Variants in SARDH observed in about 807,000 individuals in gnomAD.
The protein encoded by SARDH is sarcosine dehydrogenase, mitochondrial.
Under a neutral mutation model 109.1 loss-of-function variants are expected in SARDH, and 95 were observed. That is an observed-to-expected ratio of 0.87 (90% CI 0.74 to 1.03). The LOEUF is 1.03. Among genes scored for constraint, SARDH ranks in the 50% least tolerant of loss-of-function variants. SARDH has a pLI of 0.00. For synonymous variants in SARDH, 572 were observed against 534.8 expected, an observed-to-expected ratio of 1.07 and a Z score of -0.96; for missense variants, 1,267 against 1,287.8, an observed-to-expected ratio of 0.98 and a Z score of 0.25.
chr9:133,673,755 C>T (rs954887937), intron 17 of SARDH, among the ~76,000 whole-genome samples: 2 of 152,134 alleles, frequency 1.3e-5, no homozygotes, highest in Admixed American at 6.5e-5. Context: ...TGGAGGAGCT[C>T]GGGGCTCAAA....
rs1832581980 is a variant in SARDH at position 133,728,981 on chromosome 9, G to T, written c.915+784C>A. Among the ~76,000 whole-genome samples, 1 of 151,006 alleles carries T rather than the reference G, an allele frequency of 6.6e-6. No homozygotes were observed. Among genetic ancestry groups the T allele is most frequent in the East Asian group, 2.0e-4 (1 of 5,118 alleles). The stretch of plus-strand genomic sequence containing the variant: ...ATAGATGGAGAGATGGAGGACGGAA[G>T]AATGGATGGCGAGATGGCAAGATGA... On this transcript the variant is annotated intron_variant, in intron 6 of 20. Transcript: ENST00000439388. This position sits in a 1 kb window ranked among gnomAD's most constrained non-coding sequence, Gnocchi z 5.0.
chr9:133,717,430 A>T lies in SARDH; in HGVS notation c.1046T>A (p.Leu349His), dbSNP rs753077557. 8 of 1,614,094 alleles carry T rather than the reference A, an allele frequency of 5.0e-6. No homozygotes were observed. In the South Asian group the frequency reaches 8.8e-5, roughly 18 times the overall value. Residue 349 changes from leucine to histidine, a missense_variant, in exon 8 of 21, where the codon CTC becomes CAC. Coordinates refer to ENST00000439388, the MANE Select transcript of SARDH (RefSeq NM_001134707.2). ...GAACACCTCCCAGTCCAGGTCAAAG[A>T]GGCCGAAGGCAAACTTGTCTGACAC... The part of the protein sequence containing the change: ...EEVSDKFAFG[L>H]FDLDWEVFTQ...
chr9:133,703,469 G>A (rs1831569221), intron 12 of SARDH: 3 of 185,062 alleles, frequency 1.6e-5, no homozygotes, highest in Admixed American at 1.6e-4. Flanking sequence ...GTGAGGCGCA[G>A]AGAAGTTATA....
chr9:133,686,564 C>T lies in SARDH; in HGVS notation c.2070-1278G>A, dbSNP rs1830893226. 6.6e-6 allele frequency among the ~76,000 whole-genome samples: 1 copy of T among 151,922 alleles called. No homozygotes were observed. Among genetic ancestry groups the T allele is most frequent in the Admixed American group, 6.6e-5 (1 of 15,262 alleles). On this transcript the variant is annotated intron_variant, in intron 16 of 20. Coordinates refer to ENST00000439388, the MANE Select transcript of SARDH (RefSeq NM_001134707.2). This position sits in a 1 kb window ranked among gnomAD's most constrained non-coding sequence, Gnocchi z 4.0. The stretch of plus-strand genomic sequence containing the variant: ...CCCAGGAGCTCCGTGCCAACAGCAT[C>T]CCCCTATCCCAATGTGCCTGGCACA...
At chr9:133,662,600 T>C (rs1191387295), downstream of SARDH, among the ~76,000 whole-genome samples, 1 of 152,242 alleles carries the variant, frequency 6.6e-6, no homozygotes, top group Admixed American at 6.5e-5. This position sits in a 1 kb window ranked among gnomAD's most constrained non-coding sequence, Gnocchi z 5.1. Context: ...CACAGCCATC[T>C]GTAACCCAAA....
chr9:133,671,001 G>A (rs916713537), intron 18 of SARDH, among the ~76,000 whole-genome samples: 2 of 152,144 alleles, frequency 1.3e-5, no homozygotes, highest in Non-Finnish European at 2.9e-5. Context: ...GTCAGGGAGG[G>A]GCTTGTGAAG....
chr9:133,733,105 G>A (rs1255376958), intron 2 of SARDH, among the ~76,000 whole-genome samples: 2 of 152,246 alleles, frequency 1.3e-5, no homozygotes, highest in African/African-American at 4.8e-5. Flanking sequence ...CGTCAGGGAA[G>A]AGGCTATGAC....
In SARDH at chr9:133,712,669, G is replaced by C; in HGVS notation, c.1278C>G (p.His426Gln). The change falls in exon 10 of 21, where the codon CAC (histidine) becomes CAG (glutamine). Residue 426 changes from histidine to glutamine, a missense_variant. His to Gln is a conservative substitution (Grantham distance 24, BLOSUM62 0). Coordinates refer to ENST00000439388, the MANE Select transcript of SARDH (RefSeq NM_001134707.2). The surrounding 1 kb of genome is among the most constrained non-coding windows in gnomAD (Gnocchi z 4.1). ...LGGGCGQELA[H>Q]WIIHGRPEKD... is the part of the protein sequence containing the mutation. ...TCTCCGGGCGCCCATGGATGATCCA[G>C]TGGGCCAGCTCCTGCCCACAGCCAC... 1 of 1,610,408 alleles carries C rather than the reference G, an allele frequency of 6.2e-7. No homozygotes were observed.
In SARDH at chr9:133,721,523, C is replaced by T. The variant is rs564244787; in HGVS notation, c.916-2481G>A. On this transcript the variant is annotated intron_variant, in intron 6 of 20. Coordinates refer to ENST00000439388, the MANE Select transcript of SARDH (RefSeq NM_001134707.2). ...GAAAGAGTGAAAGCCATGGCTCCAG[C>T]GGGGAGGCGTGAAGAAGGCCCTGGA... 8.5e-5 allele frequency among the ~76,000 whole-genome samples: 13 copies of T among 152,188 alleles called. No individual in the cohort carries two copies. The East Asian group carries it at 1.7e-3, about 20-fold the overall frequency.
chr9:133,710,143 A>C (rs1401960667), intron 10 of SARDH, among the ~76,000 whole-genome samples: 1 of 152,222 alleles, frequency 6.6e-6, no homozygotes. Flanking sequence ...AAAACAGCCC[A>C]GCCCACACTC....
At chr9:133,734,413 T>TCATTCACTC (rs2131517907) in intron 1 of SARDH, among the ~76,000 whole-genome samples, 1 of 50,662 alleles carries the variant, frequency 2.0e-5, no homozygotes, top group African/African-American at 4.4e-5. Context: ...ATTCACTCAT[T>TCATTCACTC]CATTCATTCA....
intron 1 of SARDH, among the ~76,000 whole-genome samples, chr9:133,737,560 C>T (rs939890118): frequency 6.6e-6 from 1 of 152,172 alleles, no homozygotes; most frequent in African/African-American, 2.4e-5. Flanking sequence ...CCACCACCCA[C>T]CACCCACCAC....
In SARDH at chr9:133,713,053, C is replaced by T; in HGVS notation, c.1222G>A (p.Gly408Ser). 1 of 1,612,368 alleles carries T rather than the reference C, an allele frequency of 6.2e-7. No individual in the cohort carries two copies. Among genetic ancestry groups the T allele is most frequent in the East Asian group, 2.2e-5 (1 of 44,860 alleles). The change falls in exon 9 of 21, where the codon GGC becomes AGC. Residue 408 changes from glycine (G) to serine (S), a missense_variant. Transcript: ENST00000439388. ...CCGGACTCACCTGCGCTGTTGAAGC[C>T]ACAGCCCAGGAAGAACCCTCGGAGC... Reference protein sequence around the residue: ...PELRGFFLGCGFNSAGMMLGG... With the variant: ...PELRGFFLGCSFNSAGMMLGG...
intron 17 of SARDH, among the ~76,000 whole-genome samples, chr9:133,679,569 G>A (rs998045760): frequency 3.9e-5 from 6 of 152,336 alleles, no homozygotes; most frequent in East Asian, 1.9e-4. Context: ...CTGGCCGAGC[G>A]GAGCTCTGGG....
intron 6 of SARDH, among the ~76,000 whole-genome samples, chr9:133,724,057 A>G (rs939889273): frequency 6.6e-6 from 1 of 152,214 alleles, no homozygotes; most frequent in Admixed American, 6.5e-5. Context: ...TAAATATGAC[A>G]CCAAGAGCAC....
Position 133,689,669 on chromosome 9 carries a change from C to T in SARDH, c.2069+711G>A, listed in dbSNP as rs538071262. On this transcript the variant is annotated intron_variant, in intron 16 of 20. Coordinates refer to ENST00000439388, the MANE Select transcript of SARDH (RefSeq NM_001134707.2). ...CTACCGTGGGGATGGGAGATGTTGG[C>T]TCAGGCTTGGCAAGTCACAGGTGCT... Among the ~76,000 whole-genome samples the T allele has an allele frequency of 5.3e-5, 8 of 152,276 alleles. No individual in the cohort carries two copies. In the South Asian group the frequency reaches 1.7e-3, roughly 32 times the overall value.
At chr9:133,661,710 A>G (rs540018656), downstream of SARDH, among the ~76,000 whole-genome samples, 1 of 151,846 alleles carries the variant, frequency 6.6e-6, no homozygotes, top group South Asian at 2.1e-4. Flanking sequence ...CAAACTCCCA[A>G]CCTCAGGTGA....
At chr9:133,724,744 T>C (rs1832433481) in intron 6 of SARDH, among the ~76,000 whole-genome samples, 1 of 152,188 alleles carries the variant, frequency 6.6e-6, no homozygotes, top group Non-Finnish European at 1.5e-5. Flanking sequence ...TTTTGGATGT[T>C]TGCATTATAC....
intron 20 of SARDH, 71 bp from the exon 21 acceptor site, chr9:133,664,085 T>TGGAGGA (rs1829973662): frequency 1.3e-6 from 2 of 1,566,708 alleles, no homozygotes; most frequent in Non-Finnish European, 1.7e-6. Flanking sequence ...CCTGCTTCTC[T>TGGAGGA]GGAGGAGGGG....
Sources: allele counts gnomAD v4.1 joint callset (sites outside exome capture counted in the v4.1 genomes callset), GRCh38; gene constraint gnomAD v4.1.1; non-coding constraint Gnocchi (gnomAD v3.1); transcripts MANE v1.5; gene names NCBI Gene and HGNC (gene_info 2026-07-23, HGNC 2026-07-21).